Variants in NRXN3 observed in about 807,000 individuals in gnomAD.
NRXN3 encodes neurexin III.
NRXN3 carries 32 observed loss-of-function variants against 137.6 expected under a neutral mutation model. The ratio of observed to expected loss-of-function variants is 0.23; its 90% CI spans 0.18 to 0.31. The LOEUF is 0.31. Among genes scored for constraint, NRXN3 ranks in the 10% least tolerant of loss-of-function variants. NRXN3 has a pLI of 1.00. For missense variants in NRXN3, 1,574 were observed against 2,062.5 expected (o/e 0.76, Z 4.59); for synonymous variants, 798 against 784.5 (o/e 1.02, Z -0.29).
chr14:79,207,624 G>A (rs1213396781), intron 15 of NRXN3, among the ~76,000 whole-genome samples: 1 of 152,118 alleles, frequency 6.6e-6, no homozygotes, highest in East Asian at 1.9e-4. Context: ...CCACCGGAAT[G>A]TACCCTCTCT....
At chr14:79,183,816 G>A (rs944286198) in intron 15 of NRXN3, among the ~76,000 whole-genome samples, 1 of 152,234 alleles carries the variant, frequency 6.6e-6, no homozygotes, top group African/African-American at 2.4e-5. Flanking sequence ...CCAGCTTAAC[G>A]TTTCAATCCC....
intron 15 of NRXN3, among the ~76,000 whole-genome samples, chr14:79,237,736 G>A (rs146744769): frequency 0.014 from 2,156 of 152,206 alleles, 32 homozygotes; most frequent in South Asian, 0.033. Context: ...TGCAAATACC[G>A]TCAAATGCAG....
chr14:78,361,138 C>T (rs1167673482), intron 4 of NRXN3, among the ~76,000 whole-genome samples: 2 of 152,208 alleles, frequency 1.3e-5, no homozygotes, highest in Middle Eastern at 3.4e-3. Flanking sequence ...GAATCTTAGC[C>T]CCTTCTGAAC....
intron 19 of NRXN3, among the ~76,000 whole-genome samples, chr14:79,729,431 G>A (rs1247774414): frequency 1.3e-5 from 2 of 152,132 alleles, no homozygotes; most frequent in Non-Finnish European, 2.9e-5. Flanking sequence ...TGAACCAGAA[G>A]CAAGCTATTA....
intron 1 of NRXN3, among the ~76,000 whole-genome samples, chr14:78,219,706 G>T (rs2153423015): frequency 6.6e-6 from 1 of 152,320 alleles, no homozygotes; most frequent in East Asian, 1.9e-4. Flanking sequence ...TGAATCTAAG[G>T]AGCTTGGACT....
At chr14:78,323,488 T>G (rs1431608024) in intron 4 of NRXN3, among the ~76,000 whole-genome samples, 3 of 152,106 alleles carry the variant, frequency 2.0e-5, no homozygotes, top group African/African-American at 7.3e-5. Context: ...GTTGGGAAAT[T>G]AAATGTGTGC....
chr14:78,745,515 C>T (rs2098602993), intron 8 of NRXN3, among the ~76,000 whole-genome samples: 1 of 152,204 alleles, frequency 6.6e-6, no homozygotes, highest in Admixed American at 6.5e-5. Context: ...TCATCTTTCT[C>T]TGCATTGAGC....
At chr14:78,922,102 A>G (rs544071350) in intron 10 of NRXN3, among the ~76,000 whole-genome samples, 2 of 152,306 alleles carry the variant, frequency 1.3e-5, no homozygotes, top group East Asian at 3.9e-4. Context: ...TCCTTTCCAT[A>G]TGACTACAGC....
At chr14:79,408,988 T>A (rs2095365236) in intron 15 of NRXN3, among the ~76,000 whole-genome samples, 1 of 152,098 alleles carries the variant, frequency 6.6e-6, no homozygotes, top group Non-Finnish European at 1.5e-5. Context: ...TTACCAGAAA[T>A]CTCCTTTGGT....
chr14:78,421,319 G>A (rs1392265624), intron 4 of NRXN3, among the ~76,000 whole-genome samples: 1 of 151,220 alleles, frequency 6.6e-6, no homozygotes, highest in Non-Finnish European at 1.5e-5. Context: ...AGGAGCTGGA[G>A]GATTGTTACT....
intron 16 of NRXN3, among the ~76,000 whole-genome samples, chr14:79,494,724 C>G (rs896653168): frequency 3.3e-5 from 5 of 152,130 alleles, no homozygotes; most frequent in African/African-American, 1.2e-4. Flanking sequence ...TATATAGTTT[C>G]TTTAAACCCT....
chr14:79,858,191 A>G (rs2099406874), intron 20 of NRXN3, among the ~76,000 whole-genome samples: 1 of 151,420 alleles, frequency 6.6e-6, no homozygotes, highest in African/African-American at 2.4e-5. Context: ...AGTGTGTTAA[A>G]TGAGAGGGAG....
rs756218242 is a variant in NRXN3, at chr14:78,243,706, C to T, written c.613C>T (p.Arg205Cys). The T allele has an allele frequency of 3.5e-5, 56 of 1,598,194 alleles. No individual in the cohort carries two copies. The highest frequency in any genetic ancestry group is 5.0e-5 in the Admixed American group (3 of 59,980). Reference sequence around the variant, plus strand: ...GGATGCCGAGGGACCCTGTGGTGAGCGTCCCTGTGAAAATGGTGGGATCTG... The same window carrying T: ...GGATGCCGAGGGACCCTGTGGTGAGTGTCCCTGTGAAAATGGTGGGATCTG... ...QMDAEGPCGE[R>C]PCENGGICFL... is the part of the protein sequence containing the mutation. Residue 205 changes from arginine to cysteine, a missense_variant, in exon 2 of 21, where the codon CGT becomes TGT. Arg to Cys is a radical substitution (Grantham distance 180). Around this residue, in one of 5 missense-constraint regions of NRXN3, gnomAD observed 400 missense variants for 527.3 expected, o/e 0.76. Coordinates refer to ENST00000335750, the MANE Select transcript of NRXN3 (RefSeq NM_001330195.2). This position sits in a 1 kb window ranked among gnomAD's most constrained non-coding sequence, Gnocchi z 4.2.
intron 15 of NRXN3, among the ~76,000 whole-genome samples, chr14:79,027,786 T>C (rs1021795089): frequency 5.3e-5 from 8 of 152,164 alleles, no homozygotes; most frequent in Non-Finnish European, 1.0e-4. Context: ...TCTAAAAAGA[T>C]GCATAGCTTT....
chr14:78,993,936 G>A (rs189915951), intron 15 of NRXN3, among the ~76,000 whole-genome samples: 10 of 132,376 alleles, frequency 7.6e-5, no homozygotes, highest in Non-Finnish European at 7.8e-5. Flanking sequence ...TGCAACCTCC[G>A]CCTCTTGGGT....
At chr14:78,925,667 T>C (rs1333737675) in intron 10 of NRXN3, among the ~76,000 whole-genome samples, 1 of 152,130 alleles carries the variant, frequency 6.6e-6, no homozygotes, top group African/African-American at 2.4e-5. Context: ...ACCTCCAGGA[T>C]TTAAATATAG....
At chr14:79,531,701 T>C (rs984437644) in intron 16 of NRXN3, among the ~76,000 whole-genome samples, 18 of 152,174 alleles carry the variant, frequency 1.2e-4, no homozygotes, top group Admixed American at 6.5e-5. Flanking sequence ...GATGCCTCAC[T>C]ATAGCTGTGA....
intron 3 of NRXN3, among the ~76,000 whole-genome samples, chr14:78,293,053 T>C (rs1039459333): frequency 6.6e-6 from 1 of 152,190 alleles, no homozygotes; most frequent in Non-Finnish European, 1.5e-5. Flanking sequence ...TCAGTTAAGA[T>C]TTTTTGAGCA....
At chr14:79,023,776 G>A (rs184130286) in intron 15 of NRXN3, among the ~76,000 whole-genome samples, 126 of 152,028 alleles carry the variant, frequency 8.3e-4, no homozygotes, top group Non-Finnish European at 1.5e-3. Context: ...AACAGCATGG[G>A]GTAACTGGCC....
Sources: gnomAD v4.1 joint callset for allele counts (sites outside exome capture counted in the v4.1 genomes callset) on GRCh38, gnomAD v4.1.1 for gene constraint, gnomAD v4.1.1 regional missense constraint, Gnocchi (gnomAD v3.1) non-coding constraint, MANE v1.5 for transcripts, NCBI Gene and HGNC (gene_info 2026-07-23, HGNC 2026-07-21) for gene names.